The following FSTL4 variants were observed in gnomAD, a reference collection of about 807,000 sequenced individuals.
The protein encoded by FSTL4 is follistatin-related protein 4.
Under a neutral mutation model 78.2 loss-of-function variants are expected in FSTL4, and 28 were observed. The observed-to-expected ratio is 0.36, with a 90% confidence interval of 0.27 to 0.49. FSTL4 has a LOEUF of 0.49. FSTL4 is among the 20% of genes least tolerant of loss of function. The pLI is 0.98. For synonymous variants in FSTL4, 422 were observed against 440.5 expected (o/e 0.96, Z 0.53); for missense variants, 922 against 1,084.9 (o/e 0.85, Z 2.11).
chr5:133,359,932 G>A (rs1464337841), intron 4 of FSTL4, among the ~76,000 whole-genome samples: 9 of 152,218 alleles, frequency 5.9e-5, no homozygotes, highest in Admixed American at 5.9e-4. Context: ...CCGTGCTGCT[G>A]AGACTGCCCT....
chr5:133,320,985 T>C (rs541476271), intron 4 of FSTL4, among the ~76,000 whole-genome samples: 110 of 122,532 alleles, frequency 9.0e-4, no homozygotes, highest in Middle Eastern at 6.9e-3. Context: ...CCAGCCTGGG[T>C]GACAGAGCGA....
intron 3 of FSTL4, among the ~76,000 whole-genome samples, chr5:133,498,408 T>C (rs1319861027): frequency 4.6e-5 from 7 of 152,208 alleles, no homozygotes; most frequent in African/African-American, 1.7e-4. Flanking sequence ...TCTATACATT[T>C]AAAGTTATCC....
In FSTL4 at chr5:133,318,701, C is replaced by T. The variant is rs762383963; in HGVS notation, c.410-2049G>A. Among the ~76,000 whole-genome samples, 54 of 152,240 alleles carry T rather than the reference C, an allele frequency of 3.5e-4. 1 individual carries two copies. Among genetic ancestry groups the T allele is most frequent in the Non-Finnish European group, 4.7e-4 (32 of 68,048 alleles). On this transcript the variant is annotated intron_variant, in intron 4 of 15. Coordinates refer to ENST00000265342, the MANE Select transcript of FSTL4 (RefSeq NM_015082.2). Reference sequence around the variant, plus strand: ...GGCTGTACTCAGAAACACCGGTGGACAATCAGGCTCCGAAGAACATGCTGC... The same window carrying T: ...GGCTGTACTCAGAAACACCGGTGGATAATCAGGCTCCGAAGAACATGCTGC...
intron 3 of FSTL4, among the ~76,000 whole-genome samples, chr5:133,421,756 A>G (rs771120629): frequency 1.3e-5 from 2 of 151,930 alleles, no homozygotes; most frequent in Non-Finnish European, 2.9e-5. Flanking sequence ...TTGGGTGGGC[A>G]TCATGCTCAC....
chr5:133,555,218 T>C (rs933373269), intron 3 of FSTL4, among the ~76,000 whole-genome samples: 8 of 152,258 alleles, frequency 5.3e-5, no homozygotes, highest in Admixed American at 2.0e-4. Context: ...GATCATTACA[T>C]TGACAGATGA....
At chr5:133,567,326 A>G in intron 2 of FSTL4, 107 bp from the exon 3 acceptor site, 1 of 832,018 alleles carries the variant, frequency 1.2e-6, no homozygotes, top group Non-Finnish European at 2.0e-6. Context: ...AAGGTGAACA[A>G]TCTACGAAGA....
At chr5:133,503,611 A>G (rs1207519443) in intron 3 of FSTL4, among the ~76,000 whole-genome samples, 1 of 152,200 alleles carries the variant, frequency 6.6e-6, no homozygotes, top group Non-Finnish European at 1.5e-5. Flanking sequence ...TCTTCTCTTC[A>G]GATTCTACCT....
chr5:133,543,079 C>A (rs1482937746), intron 3 of FSTL4, among the ~76,000 whole-genome samples: 1 of 151,880 alleles, frequency 6.6e-6, no homozygotes, highest in Admixed American at 6.6e-5. Flanking sequence ...TTTTTCTTTT[C>A]CTTGCTCTGC....
At chr5:133,671,305 T>C in the FSTL4 span, among the ~76,000 whole-genome samples, 2 of 152,246 alleles carry the variant, frequency 1.3e-5, no homozygotes, top group African/African-American at 2.4e-5. Flanking sequence ...GCTTGTCATT[T>C]AGGCCGCTCA....
the FSTL4 span, among the ~76,000 whole-genome samples, chr5:133,793,316 C>T: frequency 5.3e-5 from 8 of 152,380 alleles, no homozygotes; most frequent in East Asian, 1.5e-3. Flanking sequence ...GTTATCCCCG[C>T]CATGGGCACA....
At chr5:133,497,272 C>T (rs1392824873) in intron 3 of FSTL4, among the ~76,000 whole-genome samples, 1 of 152,200 alleles carries the variant, frequency 6.6e-6, no homozygotes, top group South Asian at 2.1e-4. Flanking sequence ...CTGGTTCTGT[C>T]ACTCAGGTGG....
intron 7 of FSTL4, among the ~76,000 whole-genome samples, chr5:133,237,311 G>A (rs4958107): frequency 0.43 from 65,430 of 151,978 alleles, 14,487 homozygotes; most frequent in East Asian, 0.71. Flanking sequence ...AAAGCCCATC[G>A]CGCATGGATT....
intron 11 of FSTL4, among the ~76,000 whole-genome samples, chr5:133,221,145 C>G (rs1751088837): frequency 6.6e-6 from 1 of 152,200 alleles, no homozygotes; most frequent in Non-Finnish European, 1.5e-5. Flanking sequence ...AGATAAAAGC[C>G]TTGGCTTTGA....
intron 11 of FSTL4, among the ~76,000 whole-genome samples, chr5:133,223,274 A>G (rs73273881): frequency 0.047 from 7,205 of 152,222 alleles, 552 homozygotes; most frequent in African/African-American, 0.16. Context: ...TTGTTCCCAG[A>G]CTTATCATGT....
chr5:133,250,619 A>T (rs1035906458), intron 6 of FSTL4, among the ~76,000 whole-genome samples: 1 of 152,224 alleles, frequency 6.6e-6, no homozygotes, highest in Non-Finnish European at 1.5e-5. Context: ...ATTCTGCGGG[A>T]CGCTTGTGAG....
At chr5:133,517,608 TTGTG>T (rs34680612) in intron 3 of FSTL4, among the ~76,000 whole-genome samples, 4 of 139,436 alleles carry the variant, frequency 2.9e-5, no homozygotes, top group South Asian at 2.4e-4. Flanking sequence ...ATAGAACTAA[TTGTG>T]TGTGTGTGTG....
intron 3 of FSTL4, among the ~76,000 whole-genome samples, chr5:133,554,725 C>G (rs1759754616): frequency 6.6e-6 from 1 of 152,216 alleles, no homozygotes; most frequent in East Asian, 1.9e-4. Context: ...AAATAGCATT[C>G]ATTCATTCAT....
At chr5:133,290,399 C>T (rs1039828915) in intron 6 of FSTL4, among the ~76,000 whole-genome samples, 2 of 152,196 alleles carry the variant, frequency 1.3e-5, no homozygotes, top group Non-Finnish European at 2.9e-5. Context: ...TGAGGGCCAT[C>T]GGGGAGTCCT....
intron 3 of FSTL4, among the ~76,000 whole-genome samples, chr5:133,413,399 T>C (rs961823144): frequency 6.6e-6 from 1 of 152,178 alleles, no homozygotes; most frequent in East Asian, 1.9e-4. Context: ...TCTGGCTTTG[T>C]TGAGATGTTA....
Sources: gnomAD v4.1 joint callset for allele counts (sites outside exome capture counted in the v4.1 genomes callset) on GRCh38, gnomAD v4.1.1 for gene constraint, MANE v1.5 for transcripts, NCBI Gene and HGNC (gene_info 2026-07-23, HGNC 2026-07-21) for gene names.